RBM20: variants seen among roughly 807,000 people sequenced by gnomAD.
RBM20 encodes RNA binding motif protein 20.
In RBM20, 51 loss-of-function variants were observed where a neutral mutation model predicts 110.1. That is an observed-to-expected ratio of 0.46 (90% CI 0.37 to 0.59). The LOEUF (loss-of-function observed/expected upper bound fraction) is 0.59, where lower values mean the gene tolerates loss of function less well. Among genes scored for constraint, RBM20 ranks in the 20% least tolerant of loss-of-function variants. RBM20 has a pLI of 0.00. For missense variants in RBM20, 1,512 were observed against 1,574.9 expected (o/e 0.96, Z 0.68); for synonymous variants, 589 against 618.2 (o/e 0.95, Z 0.70).
At chr10:110,660,301 G>T (rs11195258) in intron 1 of RBM20, among the ~76,000 whole-genome samples, 28,285 of 152,032 alleles carry the variant, frequency 0.19, 3,767 homozygotes, top group African/African-American at 0.36. Flanking sequence ...GATTCCTCAG[G>T]GAGACTTACT....
intron 1 of RBM20, among the ~76,000 whole-genome samples, chr10:110,678,808 A>G (rs1316276020): frequency 6.6e-6 from 1 of 152,184 alleles, no homozygotes; most frequent in Admixed American, 6.5e-5. Flanking sequence ...CATTTTCATG[A>G]TATGCTGCAG....
chr10:110,701,466 G>A (rs901394765), intron 1 of RBM20, among the ~76,000 whole-genome samples: 4 of 152,256 alleles, frequency 2.6e-5, no homozygotes, highest in East Asian at 3.9e-4. Context: ...CATTTACCCC[G>A]TGTATGAGCC....
chr10:110,805,443 C>T (rs959742569), intron 7 of RBM20, among the ~76,000 whole-genome samples: 4 of 152,120 alleles, frequency 2.6e-5, no homozygotes, highest in African/African-American at 9.7e-5. Flanking sequence ...CAGTGTCTTC[C>T]CAGGACTCTT....
intron 1 of RBM20, among the ~76,000 whole-genome samples, chr10:110,685,799 CT>C (rs201357996): frequency 7.3e-5 from 11 of 151,570 alleles, no homozygotes; most frequent in Admixed American, 2.6e-4. Context: ...CAGGGCAAGA[CT>C]TTTTTTTTCG....
At chr10:110,686,312 G>T (rs1428513594) in intron 1 of RBM20, among the ~76,000 whole-genome samples, 1 of 151,700 alleles carries the variant, frequency 6.6e-6, no homozygotes, top group African/African-American at 2.4e-5. Flanking sequence ...TGATTCTTCC[G>T]CTTGGCCCCC....
chr10:110,733,377 C>T (rs1420988800), intron 1 of RBM20, among the ~76,000 whole-genome samples: 2 of 152,180 alleles, frequency 1.3e-5, no homozygotes, highest in South Asian at 2.1e-4. Flanking sequence ...TGAAACCACA[C>T]GGTATAGAGC....
chr10:110,708,854 A>C (rs1862880174), intron 1 of RBM20, among the ~76,000 whole-genome samples: 1 of 152,220 alleles, frequency 6.6e-6, no homozygotes, highest in Non-Finnish European at 1.5e-5. Context: ...AGTGAAGTTC[A>C]AGAAATGGCT....
chr10:110,681,972 C>T (rs912634164), intron 1 of RBM20, among the ~76,000 whole-genome samples: 1 of 152,106 alleles, frequency 6.6e-6, no homozygotes, highest in African/African-American at 2.4e-5. Flanking sequence ...TCACTGCAAC[C>T]TCTGCCTCCC....
intron 11 of RBM20, among the ~76,000 whole-genome samples, chr10:110,822,845 T>C (rs1274376133): frequency 6.6e-6 from 1 of 152,076 alleles, no homozygotes; most frequent in Non-Finnish European, 1.5e-5. Context: ...GATCTGAGTT[T>C]CCATGGAAAC....
In RBM20 at chr10:110,812,314, G is replaced by C. The variant is rs1844778490; in HGVS notation, c.1917G>C (p.Val639=). ...GPERPRSRSP[V]SRSLSPRSHT... is the part of the protein sequence containing the mutation. ...AAAGGCCGCGGTCTCGTAGTCCGGT[G>C]AGCCGGTCACTCTCCCCGAGGTCCC... Residue 639 remains valine (V), a synonymous_variant, in exon 9 of 14, where the codon GTG becomes GTC. Coordinates refer to ENST00000369519, the MANE Select transcript of RBM20 (RefSeq NM_001134363.3). 2 of 1,550,516 alleles carry C rather than the reference G, an allele frequency of 1.3e-6. No homozygotes were observed. The highest frequency in any genetic ancestry group is 2.7e-5 in the African/African-American group (2 of 73,034).
chr10:110,732,727 G>T (rs78892440), intron 1 of RBM20, among the ~76,000 whole-genome samples: 2,393 of 152,208 alleles, frequency 0.016, 67 homozygotes, highest in African/African-American at 0.055. Flanking sequence ...TCTTTCTCCT[G>T]CCCTGAGAAG....
At chr10:110,783,682 C>T (rs533681297) in intron 3 of RBM20, among the ~76,000 whole-genome samples, 2 of 152,324 alleles carry the variant, frequency 1.3e-5, no homozygotes, top group East Asian at 3.9e-4. Flanking sequence ...TGCGTGTGTG[C>T]GTGGGCGTGT....
At chr10:110,714,131 C>A (rs1477296016) in intron 1 of RBM20, among the ~76,000 whole-genome samples, 1 of 152,096 alleles carries the variant, frequency 6.6e-6, no homozygotes, top group Non-Finnish European at 1.5e-5. Flanking sequence ...ACATGCTAAG[C>A]CTCCTGAGTA....
chr10:110,785,575 A>C (rs1038474504), intron 5 of RBM20, among the ~76,000 whole-genome samples: 1 of 152,110 alleles, frequency 6.6e-6, no homozygotes, highest in African/African-American at 2.4e-5. Context: ...AAACAAAAAA[A>C]CCATTTTCTC....
intron 7 of RBM20, among the ~76,000 whole-genome samples, chr10:110,804,588 T>C (rs1178759942): frequency 6.6e-6 from 1 of 152,248 alleles, no homozygotes; most frequent in African/African-American, 2.4e-5. Flanking sequence ...GCAAGGGAGT[T>C]CCTCAGCTTA....
intron 1 of RBM20, among the ~76,000 whole-genome samples, chr10:110,681,166 G>A (rs1239627168): frequency 6.6e-6 from 1 of 152,164 alleles, no homozygotes; most frequent in African/African-American, 2.4e-5. Context: ...CCCTTGTCAG[G>A]GCTGTGCGAG....
intron 1 of RBM20, among the ~76,000 whole-genome samples, chr10:110,682,039 A>G (rs1862431313): frequency 6.6e-6 from 1 of 152,088 alleles, no homozygotes. Flanking sequence ...ACAGTTGCCC[A>G]TCACCATGCC....
At chr10:110,745,919 A>AT (rs1843774524) in intron 1 of RBM20, among the ~76,000 whole-genome samples, 1 of 152,144 alleles carries the variant, frequency 6.6e-6, no homozygotes, top group Admixed American at 6.6e-5. Context: ...CACAGTACAG[A>AT]TTTTTTAAAC....
chr10:110,801,460 T>C (rs1325900430), intron 7 of RBM20, among the ~76,000 whole-genome samples: 1 of 152,040 alleles, frequency 6.6e-6, no homozygotes, highest in Admixed American at 6.6e-5. Context: ...ATGGTCCACA[T>C]TCTTGCTAAC....
Sources: gnomAD v4.1 joint callset for allele counts (sites outside exome capture counted in the v4.1 genomes callset) on GRCh38, gnomAD v4.1.1 for gene constraint, MANE v1.5 for transcripts, NCBI Gene and HGNC (gene_info 2026-07-23, HGNC 2026-07-21) for gene names.